Variants in ELOVL5 observed in about 807,000 individuals in gnomAD.
ELOVL5 encodes very long chain fatty acid elongase 5.
Under a neutral mutation model 38.6 loss-of-function variants are expected in ELOVL5, and 8 were observed. The observed-to-expected ratio is 0.21, with a 90% CI of 0.12 to 0.37. The LOEUF (loss-of-function observed/expected upper bound fraction) is 0.37, where lower values mean the gene tolerates loss of function less well. Ranked by LOEUF, ELOVL5 falls within the 10% of genes least tolerant of loss-of-function variation. The pLI, the probability that ELOVL5 is intolerant of heterozygous loss-of-function variation, is 1.00. For synonymous variants in ELOVL5, 127 were observed against 133.7 expected, an observed-to-expected ratio of 0.95 and a Z score of 0.34; for missense variants, 280 against 367.8, an observed-to-expected ratio of 0.76 and a Z score of 1.95.
At chr6:53,343,332 C>T (rs918821275) in intron 1 of ELOVL5, among the ~76,000 whole-genome samples, 1 of 152,134 alleles carries the variant, frequency 6.6e-6, no homozygotes, top group Non-Finnish European at 1.5e-5. Flanking sequence ...CCCACCTCAG[C>T]CTCCCAAGGA....
At chr6:53,295,574 A>G (rs932647137) in intron 2 of ELOVL5, 68 bp downstream of exon 2, 32 of 1,005,918 alleles carry the variant, frequency 3.2e-5, no homozygotes, top group Admixed American at 7.7e-5. Flanking sequence ...TCCTCATGCA[A>G]TATTTACAAG....
chr6:53,281,774 C>G lies in ELOVL5; in HGVS notation c.247-5518G>C, dbSNP rs554901528. ...CATTTCAAATCTTTCATGTCCAGAG[C>G]ATAAGGATGCCCATTAAGATAATTT... On this transcript the variant is annotated intron_variant, in intron 3 of 7. Transcript: ENST00000304434. Among the ~76,000 whole-genome samples, 6 of 151,380 alleles carry G rather than the reference C, an allele frequency of 4.0e-5. No homozygotes were observed. The South Asian group carries it at 1.0e-3, about 26-fold the overall frequency.
chr6:53,309,703 C>G (rs942978748), intron 1 of ELOVL5, among the ~76,000 whole-genome samples: 14 of 152,276 alleles, frequency 9.2e-5, no homozygotes, highest in Admixed American at 8.5e-4. Context: ...TCTTGGTCAG[C>G]TGGCATGTTT....
At chr6:53,318,953 A>G (rs1768164691) in intron 1 of ELOVL5, among the ~76,000 whole-genome samples, 1 of 152,210 alleles carries the variant, frequency 6.6e-6, no homozygotes, top group Non-Finnish European at 1.5e-5. Context: ...TTACATTTAT[A>G]GTCCACTCAT....
intron 1 of ELOVL5, among the ~76,000 whole-genome samples, chr6:53,311,554 A>G (rs551209859): frequency 6.6e-6 from 1 of 152,364 alleles, no homozygotes; most frequent in Non-Finnish European, 1.5e-5. Flanking sequence ...AACATTATTT[A>G]TAACAGTCAA....
chr6:53,274,789 C>G (rs1766050571), intron 5 of ELOVL5, among the ~76,000 whole-genome samples: 1 of 152,170 alleles, frequency 6.6e-6, no homozygotes, highest in Non-Finnish European at 1.5e-5. Context: ...CCTTCCACAC[C>G]ATACAGAAGG....
Position 53,268,426 on chromosome 6 carries a change from C to G in ELOVL5, c.*701G>C, listed in dbSNP as rs182388209. 1 of 152,226 alleles carries G rather than the reference C, an allele frequency of 6.6e-6. No homozygotes were observed. Among genetic ancestry groups the G allele is most frequent in the African/African-American group, 2.4e-5 (1 of 41,412 alleles). The allele number at this position is 152,226 out of a possible 1,614,324, so 9.4% of individuals were successfully genotyped here. A position where few individuals can be genotyped will look rare whatever the true frequency, so the allele number is the denominator to read the frequency against. On this transcript the variant is annotated 3_prime_UTR_variant, in exon 8 of 8. Coordinates refer to ENST00000304434, the MANE Select transcript of ELOVL5 (RefSeq NM_021814.5). ...CATCACGACTGCTGTAGAGCCCCCCCCTTTTTACATTAATAGTGGCACTCA... is the reference window on the plus strand; with the variant it reads ...CATCACGACTGCTGTAGAGCCCCCCGCTTTTTACATTAATAGTGGCACTCA...
At position 53,348,921 on chromosome 6, in the gene ELOVL5, C is replaced by G. The variant is rs753858814; in HGVS notation, c.-113G>C. The G allele has an allele frequency of 4.5e-5, 20 of 446,584 alleles. No homozygotes were observed. Among genetic ancestry groups the G allele is most frequent in the Non-Finnish European group, 8.1e-5 (18 of 222,340 alleles). The allele number at this position is 446,584 out of a possible 1,614,324, so 27.7% of individuals were successfully genotyped here. Reference sequence around the variant, plus strand: ...CAGAGGCGGATGTAGAAGGAGACACCGGTGGCTAGGACCCGCGCGATGGGA... The same window carrying G: ...CAGAGGCGGATGTAGAAGGAGACACGGGTGGCTAGGACCCGCGCGATGGGA... On this transcript the variant is annotated 5_prime_UTR_variant, in exon 1 of 8. Coordinates refer to ENST00000304434, the MANE Select transcript of ELOVL5 (RefSeq NM_021814.5).
At chr6:53,333,256 G>T (rs1026800689) in intron 1 of ELOVL5, among the ~76,000 whole-genome samples, 2 of 152,230 alleles carry the variant, frequency 1.3e-5, no homozygotes, top group Non-Finnish European at 1.5e-5. Context: ...ACCTCTGAAA[G>T]ATCATTAGTT....
At chr6:53,297,867 G>A (rs1411395715) in intron 1 of ELOVL5, among the ~76,000 whole-genome samples, 3 of 152,098 alleles carry the variant, frequency 2.0e-5, no homozygotes, top group East Asian at 3.9e-4. Flanking sequence ...ACCACTTCAG[G>A]AGAGACAAGA....
chr6:53,320,104 C>G (rs1768235555), intron 1 of ELOVL5, among the ~76,000 whole-genome samples: 1 of 152,014 alleles, frequency 6.6e-6, no homozygotes, highest in Non-Finnish European at 1.5e-5. Context: ...CCCTTGAGCC[C>G]AGAAGTTTGA....
chr6:53,340,980 G>A (rs575205298), intron 1 of ELOVL5, among the ~76,000 whole-genome samples: 34 of 152,236 alleles, frequency 2.2e-4, no homozygotes, highest in African/African-American at 4.6e-4. Flanking sequence ...GGCTAGGACC[G>A]GGTAAGGAAA....
chr6:53,320,347 CTTTTT>C lies in ELOVL5; in HGVS notation c.-8-24645_-8-24641del, dbSNP rs567111972. ...AAACAACCCCACATTTCTTTTTTTT[CTTTTT>C]TTGAGACATAGTTGCGCTCTGTCGC... On this transcript the variant is annotated intron_variant, in intron 1 of 7. Coordinates refer to ENST00000304434, the MANE Select transcript of ELOVL5 (RefSeq NM_021814.5). Among the ~76,000 whole-genome samples, 163 of 150,612 alleles carry C rather than the reference CTTTTT, an allele frequency of 1.1e-3. 1 individual carries two copies. Among genetic ancestry groups the C allele is most frequent in the Non-Finnish European group, 2.0e-3 (137 of 67,466 alleles).
intron 1 of ELOVL5, among the ~76,000 whole-genome samples, chr6:53,299,353 G>A (rs2127577354): frequency 6.6e-6 from 1 of 152,308 alleles, no homozygotes; most frequent in East Asian, 1.9e-4. Flanking sequence ...ATGTAATGAG[G>A]AAATAAAGAA....
At chr6:53,331,301 G>C (rs1188376761) in intron 1 of ELOVL5, among the ~76,000 whole-genome samples, 1 of 152,086 alleles carries the variant, frequency 6.6e-6, no homozygotes, top group African/African-American at 2.4e-5. Context: ...ACTCCAGCAT[G>C]AATGACAGAG....
intron 3 of ELOVL5, among the ~76,000 whole-genome samples, chr6:53,282,946 C>T (rs1365624174): frequency 6.6e-6 from 1 of 152,110 alleles, no homozygotes; most frequent in Non-Finnish European, 1.5e-5. Flanking sequence ...GCCTTCAAAC[C>T]CAGAGCCTGG....
intron 1 of ELOVL5, among the ~76,000 whole-genome samples, chr6:53,309,582 T>C (rs1024649703): frequency 2.0e-5 from 3 of 152,152 alleles, no homozygotes; most frequent in Non-Finnish European, 4.4e-5. Flanking sequence ...CACACCCTTA[T>C]GTAGTGCCCT....
At chr6:53,312,379 T>G (rs952071198) in intron 1 of ELOVL5, among the ~76,000 whole-genome samples, 1 of 152,204 alleles carries the variant, frequency 6.6e-6, no homozygotes, top group African/African-American at 2.4e-5. Flanking sequence ...AGAACAAACC[T>G]GATACATTCA....
Position 53,345,843 on chromosome 6 carries a change from T to C in ELOVL5, c.-9+2974A>G, listed in dbSNP as rs192464475. On this transcript the variant is annotated intron_variant, in intron 1 of 7. Transcript: ENST00000304434. ...AGAGATGTTGCAGGAGACAGAGCTA[T>C]AGGAATTTGGACAAGTCACTTGTCA... Among the ~76,000 whole-genome samples, 52 of 152,310 alleles carry C rather than the reference T, an allele frequency of 3.4e-4. No homozygotes were observed. In the East Asian group the frequency reaches 8.3e-3, roughly 24 times the overall value.
Sources: allele counts gnomAD v4.1 joint callset (sites outside exome capture counted in the v4.1 genomes callset), GRCh38; gene constraint gnomAD v4.1.1; transcripts MANE v1.5; gene names NCBI Gene and HGNC (gene_info 2026-07-23, HGNC 2026-07-21).